Variants in CELF2 observed in about 807,000 individuals in gnomAD.
CELF2 encodes the protein CUGBP Elav-like family member 2.
Under a neutral mutation model 62.6 loss-of-function variants are expected in CELF2, and 8 were observed. That is an observed-to-expected ratio of 0.13 (90% confidence interval 0.07 to 0.23). The LOEUF (loss-of-function observed/expected upper bound fraction) is 0.23. CELF2 is among the 10% of genes least tolerant of loss of function. The pLI, the probability that CELF2 is intolerant of heterozygous loss-of-function variation, is 1.00. For missense variants in CELF2, 333 were observed against 671.0 expected, an observed-to-expected ratio of 0.50 and a Z score of 5.56; for synonymous variants, 258 against 250.0, an observed-to-expected ratio of 1.03 and a Z score of -0.30.
At position 11,299,758 on chromosome 10, in the gene CELF2, C is replaced by A. The variant is rs377305726; in HGVS notation, c.976+11206C>A. Among the ~76,000 whole-genome samples the A allele has an allele frequency of 8.1e-3, 1,103 of 135,354 alleles. 12 individuals are homozygous for A. The highest frequency in any genetic ancestry group is 0.037 in the African/African-American group (1,052 of 28,078). 88.8% of individuals were successfully genotyped at this position (135,354 alleles called of 152,430 possible). ...AGCAGGAACTCCTGGGATCCCAGAACCGTATTTCTGGGTTTCGCCAATTAC... is the reference window on the plus strand; with the variant it reads ...AGCAGGAACTCCTGGGATCCCAGAAACGTATTTCTGGGTTTCGCCAATTAC... On this transcript the variant is annotated intron_variant, in intron 9 of 12. Transcript: ENST00000633077.
chr10:10,903,398 C>T (rs1270793047), intron 1 of CELF2, among the ~76,000 whole-genome samples: 1 of 152,144 alleles, frequency 6.6e-6, no homozygotes, highest in Admixed American at 6.5e-5. Context: ...TTTCTACTTA[C>T]CCCTTACTGT....
At chr10:11,021,882 A>C (rs917802301) in intron 1 of CELF2, among the ~76,000 whole-genome samples, 1 of 152,240 alleles carries the variant, frequency 6.6e-6, no homozygotes, top group Admixed American at 6.5e-5. Flanking sequence ...TCACCTGATC[A>C]GGATTGATGT....
intron 1 of CELF2, among the ~76,000 whole-genome samples, chr10:11,116,716 C>G (rs756708483): frequency 1.4e-4 from 22 of 152,082 alleles, no homozygotes; most frequent in Non-Finnish European, 2.2e-4. Flanking sequence ...ATGACATGGC[C>G]AAGAAAATTA....
At chr10:10,902,916 G>T (rs1472911666) in intron 1 of CELF2, among the ~76,000 whole-genome samples, 2 of 144,832 alleles carry the variant, frequency 1.4e-5, no homozygotes, top group African/African-American at 5.2e-5. Context: ...AGGGAGAAGA[G>T]GGAGGGAGGG....
the CELF2 span, among the ~76,000 whole-genome samples, chr10:10,742,769 C>A: frequency 3.3e-5 from 5 of 152,134 alleles, no homozygotes; most frequent in Non-Finnish European, 7.3e-5. Flanking sequence ...CACCTTTTGA[C>A]AATCAGGGCA....
At chr10:10,789,626 A>T in the CELF2 span, among the ~76,000 whole-genome samples, 1 of 152,210 alleles carries the variant, frequency 6.6e-6, no homozygotes. Context: ...TTGTATCATT[A>T]CATATAATCA....
At chr10:11,254,879 C>G (rs941012891) in intron 4 of CELF2, among the ~76,000 whole-genome samples, 1 of 151,392 alleles carries the variant, frequency 6.6e-6, no homozygotes, top group South Asian at 2.1e-4. Flanking sequence ...TTTTCTACCC[C>G]CTTTCCATCC....
chr10:10,463,644 G>A, the CELF2 span, among the ~76,000 whole-genome samples: 1 of 152,060 alleles, frequency 6.6e-6, no homozygotes, highest in Non-Finnish European at 1.5e-5. Context: ...CAAACTTTGA[G>A]CTTATCCATA....
chr10:11,051,369 C>A (rs1291586016), intron 1 of CELF2, among the ~76,000 whole-genome samples: 1 of 152,048 alleles, frequency 6.6e-6, no homozygotes, highest in South Asian at 2.1e-4. Context: ...TTTGATTATC[C>A]ACCTATGTAT....
At chr10:10,942,820 A>G (rs1443683440) in intron 2 of CELF2, among the ~76,000 whole-genome samples, 1 of 152,206 alleles carries the variant, frequency 6.6e-6, no homozygotes, top group East Asian at 1.9e-4. Context: ...ATTCTTAATT[A>G]TTTGTGGTGA....
chr10:11,068,897 G>A (rs1381962022), intron 1 of CELF2, among the ~76,000 whole-genome samples: 1 of 152,192 alleles, frequency 6.6e-6, no homozygotes, highest in Non-Finnish European at 1.5e-5. Flanking sequence ...AACTCATTCT[G>A]TCTTAGCATT....
chr10:10,822,258 G>A (rs2057030156), intron 1 of CELF2, among the ~76,000 whole-genome samples: 1 of 152,212 alleles, frequency 6.6e-6, no homozygotes, highest in Non-Finnish European at 1.5e-5. Context: ...TGTGACTTTA[G>A]CTGCTGTCTG....
At chr10:10,745,077 C>T in the CELF2 span, among the ~76,000 whole-genome samples, 2 of 147,508 alleles carry the variant, frequency 1.4e-5, no homozygotes, top group African/African-American at 5.0e-5. Context: ...ATAGGCAGAA[C>T]GTGGCTGCCG....
rs1274508702 is a variant in CELF2, at chr10:11,214,458, A to AG, written c.272-2967_272-2966insG. ...CACATTTGTGTAAGTTGCTAATTGC[A>AG]CAAGGGTATCCTACTGAGGCCGTGA... On this transcript the variant is annotated intron_variant, in intron 2 of 12. Coordinates refer to ENST00000633077, the MANE Select transcript of CELF2 (RefSeq NM_001326342.2). This position sits in a 1 kb window ranked among gnomAD's most constrained non-coding sequence, Gnocchi z 4.2. Among the ~76,000 whole-genome samples the AG allele has an allele frequency of 6.6e-6, 1 of 152,186 alleles. No individual in the cohort carries two copies. The highest frequency in any genetic ancestry group is 1.5e-5 in the Non-Finnish European group (1 of 68,028).
chr10:11,120,239 C>T (rs1161306409), intron 1 of CELF2, among the ~76,000 whole-genome samples: 7 of 152,176 alleles, frequency 4.6e-5, no homozygotes, highest in Non-Finnish European at 1.0e-4. Flanking sequence ...TTAATTTACA[C>T]ATCGGTGCAG....
rs1468807983 is a variant in CELF2, at chr10:11,207,643, AT to A, written c.272-9781del. ...TAAGTTTCCCAGGGGAATTCCTGGG[AT>A]GGCACTTGGTAATCCAAACCGTGGA... is the stretch of plus-strand genomic sequence containing the variant. On this transcript the variant is annotated intron_variant, in intron 2 of 12. Transcript: ENST00000633077. The surrounding 1 kb of genome is among the most constrained non-coding windows in gnomAD (Gnocchi z 4.1). Among the ~76,000 whole-genome samples, 4 of 152,222 alleles carry A rather than the reference AT, an allele frequency of 2.6e-5. No individual in the cohort carries two copies. The highest frequency in any genetic ancestry group is 9.6e-5 in the African/African-American group (4 of 41,452).
intron 8 of CELF2, among the ~76,000 whole-genome samples, chr10:11,283,726 C>T (rs2089858901): frequency 6.7e-6 from 1 of 149,590 alleles, no homozygotes; most frequent in Non-Finnish European, 1.5e-5. Flanking sequence ...AGGGGGACTC[C>T]CTGGCCTGAG....
intron 2 of CELF2, among the ~76,000 whole-genome samples, chr10:11,216,849 G>A (rs11596782): frequency 0.12 from 18,167 of 152,216 alleles, 1,183 homozygotes; most frequent in African/African-American, 0.18. Context: ...TAATTTCTAA[G>A]CCAGTTAAAA....
chr10:11,095,658 T>G (rs76257263), intron 1 of CELF2, among the ~76,000 whole-genome samples: 1,579 of 152,272 alleles, frequency 0.01, 25 homozygotes, highest in African/African-American at 0.036. Flanking sequence ...GCCTTTCAAC[T>G]TGAAAGAGGT....
Sources: gnomAD v4.1 joint callset for allele counts (sites outside exome capture counted in the v4.1 genomes callset) on GRCh38, gnomAD v4.1.1 for gene constraint, Gnocchi (gnomAD v3.1) non-coding constraint, MANE v1.5 for transcripts, NCBI Gene and HGNC (gene_info 2026-07-23, HGNC 2026-07-21) for gene names.